Variants in SMARCA4 observed in about 807,000 individuals in gnomAD.
SMARCA4 encodes SWI/SNF-related matrix-associated actin-dependent regulator of chromatin subfamily A member 4.
Under a neutral mutation model 193.9 loss-of-function variants are expected in SMARCA4, and 31 were observed. The ratio of observed to expected loss-of-function variants is 0.16; its 90% CI spans 0.12 to 0.22. The LOEUF is 0.22. Among genes scored for constraint, SMARCA4 ranks in the 10% least tolerant of loss-of-function variants. The pLI is 1.00. For synonymous variants in SMARCA4, 942 were observed against 933.1 expected, an observed-to-expected ratio of 1.01 and a Z score of -0.17; for missense variants, 1,148 against 2,296.0, an observed-to-expected ratio of 0.50 and a Z score of 10.22.
intron 1 of SMARCA4, among the ~76,000 whole-genome samples, chr19:10,983,071 A>G (rs965755702): frequency 1.3e-5 from 2 of 152,354 alleles, no homozygotes; most frequent in East Asian, 3.9e-4. Context: ...GGGTAAGATT[A>G]TATGAAAGCC....
intron 1 of SMARCA4, among the ~76,000 whole-genome samples, chr19:10,978,885 G>T (rs1203079334): frequency 6.6e-6 from 1 of 152,018 alleles, no homozygotes; most frequent in East Asian, 1.9e-4. Flanking sequence ...GGAGGCGGAG[G>T]TTGCAGTGAG....
Position 11,004,819 on chromosome 19 carries a change from T to TC in SMARCA4, c.2001+1425dup, listed in dbSNP as rs111648322. On this transcript the variant is annotated intron_variant, in intron 13 of 34. Coordinates refer to ENST00000344626, the MANE Select transcript of SMARCA4 (RefSeq NM_003072.5). ...TGCCTTTTGTGTTCAATGTTTTTTT[T>TC]CCCTAGATTTTTATTTTTATAGTGC... is the stretch of plus-strand genomic sequence containing the variant. Among the ~76,000 whole-genome samples the TC allele has an allele frequency of 3.5e-3, 537 of 151,898 alleles. 6 individuals are homozygous for TC. The highest frequency in any genetic ancestry group is 0.012 in the African/African-American group (499 of 41,432).
intron 7 of SMARCA4, among the ~76,000 whole-genome samples, chr19:10,990,347 T>C (rs1190757841): frequency 1.3e-5 from 2 of 151,748 alleles, no homozygotes; most frequent in Non-Finnish European, 2.9e-5. Context: ...GGCACAATCT[T>C]GGCTCACTGC....
intron 1 of SMARCA4, among the ~76,000 whole-genome samples, chr19:10,969,032 C>T (rs185415400): frequency 2.8e-3 from 427 of 152,252 alleles, no homozygotes; most frequent in Non-Finnish European, 4.8e-3. Context: ...TTTTGATCCT[C>T]GGCCTGAATC....
intron 24 of SMARCA4, among the ~76,000 whole-genome samples, chr19:11,029,350 C>T (rs1196494100): frequency 6.6e-6 from 1 of 152,248 alleles, no homozygotes; most frequent in African/African-American, 2.4e-5. Flanking sequence ...TCTGCCTACT[C>T]CATAAGGACA....
chr19:11,051,367 C>T (rs1780877175), intron 30 of SMARCA4, among the ~76,000 whole-genome samples: 1 of 152,166 alleles, frequency 6.6e-6, no homozygotes, highest in Admixed American at 6.5e-5. Flanking sequence ...GGGAGCCGCT[C>T]GTGCCTTTCC....
chr19:11,035,835 G>A (rs2075239109), intron 29 of SMARCA4, among the ~76,000 whole-genome samples: 1 of 152,246 alleles, frequency 6.6e-6, no homozygotes, highest in African/African-American at 2.4e-5. Context: ...TCCTCACTGG[G>A]GTTACGGTGA....
At chr19:10,964,619 C>CTTT (rs1439109300) in intron 1 of SMARCA4, among the ~76,000 whole-genome samples, 1 of 137,596 alleles carries the variant, frequency 7.3e-6, no homozygotes, top group Non-Finnish European at 1.6e-5. Context: ...CGCCCGGCCT[C>CTTT]TTTTTTTTTT....
At chr19:10,965,264 A>G (rs566105093) in intron 1 of SMARCA4, 14 of 152,232 alleles carry the variant, frequency 9.2e-5, no homozygotes, top group African/African-American at 3.1e-4. Flanking sequence ...AGTAGCTCAC[A>G]CCCCACTCTT....
intron 30 of SMARCA4, among the ~76,000 whole-genome samples, chr19:11,045,306 C>T (rs967634095): frequency 4.0e-5 from 6 of 151,222 alleles, no homozygotes; most frequent in Middle Eastern, 3.4e-3. Context: ...GGCGACAGAG[C>T]GGGACTCCGT....
At chr19:11,018,904 G>C in intron 16 of SMARCA4, 53 bp from the exon 17 acceptor site, 1 of 1,462,566 alleles carries the variant, frequency 6.8e-7, no homozygotes. Context: ...GGTTTGCACA[G>C]TGAGCCATTG....
At chr19:11,024,616 G>A (rs2090118493) in intron 21 of SMARCA4, among the ~76,000 whole-genome samples, 178 bp downstream of exon 21, 1 of 152,192 alleles carries the variant, frequency 6.6e-6, no homozygotes. Flanking sequence ...TGACTCAGCT[G>A]CCAGTGGCTT....
intron 7 of SMARCA4, among the ~76,000 whole-genome samples, chr19:10,989,776 A>T (rs1418148565): frequency 1.4e-5 from 2 of 147,356 alleles, no homozygotes; most frequent in Non-Finnish European, 3.0e-5. Context: ...AACTCTGCTC[A>T]CTGCAACCAA....
rs974634402 is a variant in SMARCA4, at chr19:11,060,199, C to T, written c.4911+12C>T. ...AGGAACAAGAGGAGGTGAGGCCGGG[C>T]CCCCGAGCAGGCAGAGCTGGCATGT... On this transcript the variant is annotated intron_variant, in intron 34 of 34. Transcript: ENST00000344626. 27 of 1,549,958 alleles carry T rather than the reference C, an allele frequency of 1.7e-5. No individual in the cohort carries two copies. The Middle Eastern group carries it at 5.5e-4, about 31-fold the overall frequency.
At chr19:11,016,512 C>T (rs554632199) in intron 16 of SMARCA4, among the ~76,000 whole-genome samples, 13 of 152,294 alleles carry the variant, frequency 8.5e-5, no homozygotes, top group South Asian at 2.1e-4. Flanking sequence ...AGAGCTTTCC[C>T]GTCTCCCCCA....
At position 11,008,214 on chromosome 19, in the gene SMARCA4, C is replaced by T. The variant is rs372358425; in HGVS notation, c.2123+191C>T. ...TTATAGGGATTTAATAGAGCAATTG[C>T]ATTCGCATGGTTCACCATATGCTTA... On this transcript the variant is annotated intron_variant, in intron 14 of 34. Coordinates refer to ENST00000344626, the MANE Select transcript of SMARCA4 (RefSeq NM_003072.5). The T allele has an allele frequency of 1.4e-3, 820 of 596,732 alleles. 14 individuals carry two copies. Among genetic ancestry groups the T allele is most frequent in the South Asian group, 0.011 (698 of 62,598 alleles). 37.0% of individuals were successfully genotyped at this position (596,732 alleles called of 1,614,324 possible).
chr19:11,046,817 G>A (rs1017126623), intron 30 of SMARCA4, among the ~76,000 whole-genome samples: 1 of 152,032 alleles, frequency 6.6e-6, no homozygotes, highest in Admixed American at 6.6e-5. Context: ...TTAGCCAGGC[G>A]TGGTGGTGCA....
rs549219455 is a variant in SMARCA4 at position 11,010,301 on chromosome 19, G to A, written c.2124-80G>A. 1.9e-5 allele frequency: 28 copies of A among 1,506,930 alleles called. No individual in the cohort carries two copies. The African/African-American group carries it at 2.6e-4, about 14-fold the overall frequency. The allele number at this position is 1,506,930 out of a possible 1,614,324, so 93.3% of individuals were successfully genotyped here. On this transcript the variant is annotated intron_variant, in intron 14 of 34. Coordinates refer to ENST00000344626, the MANE Select transcript of SMARCA4 (RefSeq NM_003072.5). The stretch of plus-strand genomic sequence containing the variant: ...GTCATTCAGCAGAAAGGGCCACTCC[G>A]CAGAGCTTGTGTCAGGAGCCAGCAC...
Position 10,961,120 on chromosome 19 carries a change from C to G in SMARCA4, c.-86C>G, listed in dbSNP as rs1445235526. ...GCGAGACGCCCATTCTGCCCCCGGC[C>G]CCGCGCGGAGGGGCGGGGGAGGCGC... On this transcript the variant is annotated 5_prime_UTR_variant, in exon 1 of 35. Coordinates refer to ENST00000344626, the MANE Select transcript of SMARCA4 (RefSeq NM_003072.5). 1 of 148,916 alleles carries G rather than the reference C, an allele frequency of 6.7e-6. No individual in the cohort carries two copies. Among genetic ancestry groups the G allele is most frequent in the East Asian group, 2.0e-4 (1 of 5,120 alleles). 9.2% of individuals were successfully genotyped at this position (148,916 alleles called of 1,614,324 possible).
Sources: allele counts gnomAD v4.1 joint callset (sites outside exome capture counted in the v4.1 genomes callset), GRCh38; gene constraint gnomAD v4.1.1; transcripts MANE v1.5; gene names NCBI Gene and HGNC (gene_info 2026-07-23, HGNC 2026-07-21).